PASK: variants seen among roughly 807,000 people sequenced by gnomAD.
PASK encodes the protein PAS domain-containing serine/threonine-protein kinase.
Under a neutral mutation model 121.0 loss-of-function variants are expected in PASK, and 110 were observed. The ratio of observed to expected loss-of-function variants is 0.91; its 90% CI spans 0.78 to 1.06. The LOEUF (loss-of-function observed/expected upper bound fraction) is 1.06, where lower values mean the gene tolerates loss of function less well. PASK is among the 50% of genes least tolerant of loss of function. The probability of loss-of-function intolerance (pLI) is 0.00; values close to 1 mark genes in which losing one functional copy is unlikely to be tolerated. For missense variants in PASK, 1,643 were observed against 1,702.3 expected (o/e 0.97, Z 0.61); for synonymous variants, 686 against 717.8 (o/e 0.96, Z 0.71).
intron 10 of PASK, among the ~76,000 whole-genome samples, chr2:241,125,306 A>T (rs1227649559): frequency 2.8e-4 from 41 of 148,726 alleles, no homozygotes; most frequent in Non-Finnish European, 1.2e-4. Context: ...TGTCTCAAAA[A>T]ATAAAAAAAA....
Position 241,115,106 on chromosome 2 carries a change from GA to G in PASK, c.3269del (p.Leu1090ProfsTer23), listed in dbSNP as rs763879852. 1 of 1,614,162 alleles carries G rather than the reference GA, an allele frequency of 6.2e-7. No individual in the cohort carries two copies. Among genetic ancestry groups the G allele is most frequent in the South Asian group, 1.1e-5 (1 of 91,090 alleles). ...TGGGGTGGCGGTCGATGAAAGCGAA[GA>G]GGTCTAGGCCGGAGCCGTGCTTCTC... Reference protein sequence around the residue: ...VMEKHGSGLDLFAFIDRHPRL... With the variant: ...VMEKHGSGLDXFAFIDRHPRL... On this transcript the variant is annotated frameshift_variant, in exon 14 of 18. Transcript: ENST00000234040. LOFTEE classifies it high-confidence loss of function.
rs563743480 is a variant in PASK at position 241,112,010 on chromosome 2, C to A, written c.3533+230G>T. On this transcript the variant is annotated intron_variant, in intron 15 of 17. Coordinates refer to ENST00000234040, the MANE Select transcript of PASK (RefSeq NM_015148.4). The surrounding 1 kb of genome is among the most constrained non-coding windows in gnomAD (Gnocchi z 5.2). Reference sequence around the variant, plus strand: ...GCTTTTTATTATATGAAACTCCAAACAAATAAAAGCTGAGAAAATAAAATT... The same window carrying A: ...GCTTTTTATTATATGAAACTCCAAAAAAATAAAAGCTGAGAAAATAAAATT... Among the ~76,000 whole-genome samples, 14 of 152,252 alleles carry A rather than the reference C, an allele frequency of 9.2e-5. No individual in the cohort carries two copies. The highest frequency in any genetic ancestry group is 1.8e-4 in the Non-Finnish European group (12 of 68,014).
chr2:241,149,499 A>G, upstream of PASK: 2 of 685,518 alleles, frequency 2.9e-6, no homozygotes, highest in Non-Finnish European at 4.8e-6. Context: ...CCAATCGCAC[A>G]GCGACTAGCA....
intron 12 of PASK, 120 bp from the exon 13 acceptor site, chr2:241,115,533 TC>T: frequency 8.3e-7 from 1 of 1,208,836 alleles, no homozygotes; most frequent in Non-Finnish European, 1.2e-6. Context: ...TCCTCAAGCA[TC>T]CCATTACACC....
rs764572345 is a variant in PASK at position 241,108,320 on chromosome 2, T to A, written c.3534-20A>T. Reference sequence around the variant, plus strand: ...CTGTAGCTGTGAGGAGGAGGAGGCATCAGGACGCCACGGCACTCAGCGCAG... The same window carrying A: ...CTGTAGCTGTGAGGAGGAGGAGGCAACAGGACGCCACGGCACTCAGCGCAG... On this transcript the variant is annotated intron_variant, in intron 15 of 17. Coordinates refer to ENST00000234040, the MANE Select transcript of PASK (RefSeq NM_015148.4). The surrounding 1 kb of genome is among the most constrained non-coding windows in gnomAD (Gnocchi z 5.2). 1 of 1,613,654 alleles carries A rather than the reference T, an allele frequency of 6.2e-7. No individual in the cohort carries two copies. The highest frequency in any genetic ancestry group is 1.7e-5 in the Admixed American group (1 of 60,010).
chr2:241,137,723 G>A (rs2066506250), intron 6 of PASK, among the ~76,000 whole-genome samples: 1 of 152,204 alleles, frequency 6.6e-6, no homozygotes, highest in Admixed American at 6.5e-5. Flanking sequence ...CCACCTCTGT[G>A]GGTGGCCCAG....
chr2:241,127,385 T>C lies in PASK; in HGVS notation c.1530A>G (p.Gln510=). ...HGEQALPKDQ[Q]ITALGREEPV... ...GTTCCTCTCTCCCCAAGGCAGTGAT[T>C]TGCTGGTCCTTGGGCAGCGCCTGTT... is the stretch of plus-strand genomic sequence containing the variant. The change falls in exon 10 of 18, where the codon CAA becomes CAG. Residue 510 remains glutamine, a synonymous_variant. Transcript: ENST00000234040. 1.2e-6 allele frequency: 2 copies of C among 1,614,074 alleles called. No homozygotes were observed. The highest frequency in any genetic ancestry group is 2.2e-5 in the South Asian group (2 of 91,078).
At chr2:241,110,883 C>T (rs943910766) in intron 15 of PASK, among the ~76,000 whole-genome samples, 7 of 152,344 alleles carry the variant, frequency 4.6e-5, no homozygotes, top group South Asian at 2.1e-4. Context: ...CGATATTTCA[C>T]GCTGTTTGGT....
chr2:241,142,770 A>T, intron 2 of PASK, 67 bp downstream of exon 2: 1 of 1,218,792 alleles, frequency 8.2e-7, no homozygotes, highest in Non-Finnish European at 1.2e-6. Flanking sequence ...GGTTTCCATG[A>T]GAACACAGAG....
rs762220676 is a variant in PASK, at chr2:241,122,767, C to T, written c.3037G>A (p.Val1013Met). 20 of 1,614,072 alleles carry T rather than the reference C, an allele frequency of 1.2e-5. No homozygotes were observed. The highest frequency in any genetic ancestry group is 2.2e-5 in the South Asian group (2 of 91,092). ...SPLGSGAFGFVWTAVDKEKNK... is the reference protein window; with the variant it reads ...SPLGSGAFGFMWTAVDKEKNK... ...TTTTCCTTGTCCACAGCAGTCCACA[C>T]GAAGCCGAAGGCCCCACTGCCCAGC... The change falls in exon 12 of 18, where the codon GTG becomes ATG. Residue 1013 changes from valine (V) to methionine (M), a missense_variant. Physicochemically the swap from Val to Met is conservative, Grantham distance 21. Coordinates refer to ENST00000234040, the MANE Select transcript of PASK (RefSeq NM_015148.4).
intron 11 of PASK, among the ~76,000 whole-genome samples, chr2:241,123,669 T>C (rs528485061): frequency 1.3e-5 from 2 of 151,784 alleles, no homozygotes; most frequent in South Asian, 2.1e-4. Flanking sequence ...AAATACAAAA[T>C]TAGCCAGGCG....
In PASK at chr2:241,115,144, G is replaced by A; in HGVS notation, c.3232C>T (p.Gln1078Ter). 6.2e-7 allele frequency: 1 copy of A among 1,614,056 alleles called. No individual in the cohort carries two copies. Among genetic ancestry groups the A allele is most frequent in the Non-Finnish European group, 8.5e-7 (1 of 1,179,948 alleles). The part of the protein sequence containing the change: ...LDIFENQGFF[Q>*]LVMEKHGSGL... ...GAGCCGTGCTTCTCCATCACAAGCT[G>A]GAAGAACCCTTGGTTTTCAAATATA... is the stretch of plus-strand genomic sequence containing the variant. Residue 1078 changes from glutamine to a stop codon, truncating the protein, a stop_gained, in exon 14 of 18, where the codon CAG (glutamine) becomes TAG (stop). Coordinates refer to ENST00000234040, the MANE Select transcript of PASK (RefSeq NM_015148.4). LOFTEE classifies it high-confidence loss of function.
chr2:241,133,199 C>T (rs1378162747), intron 8 of PASK, 169 bp from the exon 9 acceptor site: 3 of 693,692 alleles, frequency 4.3e-6, no homozygotes, highest in Non-Finnish European at 7.8e-6. Flanking sequence ...TCTCTGCCTC[C>T]TGTCTCCCTG....
chr2:241,127,983 G>A (rs778999648), intron 9 of PASK, among the ~76,000 whole-genome samples: 11 of 152,138 alleles, frequency 7.2e-5, no homozygotes, highest in Non-Finnish European at 1.2e-4. Flanking sequence ...ACACAGAAGG[G>A]GCCAGGGGCC....
chr2:241,138,548 CCT>C (rs553102786), intron 5 of PASK, 104 bp downstream of exon 5: 2 of 1,363,344 alleles, frequency 1.5e-6, no homozygotes, highest in Admixed American at 1.7e-5. Flanking sequence ...GGCTCCTCAT[CCT>C]CTCTTTCTTC....
intron 1 of PASK, among the ~76,000 whole-genome samples, chr2:241,146,372 A>G (rs1398958539): frequency 6.6e-6 from 1 of 152,220 alleles, no homozygotes; most frequent in Non-Finnish European, 1.5e-5. Flanking sequence ...AAATTTTTGC[A>G]AACAGATAAG....
rs373551635 is a variant in PASK at position 241,138,802 on chromosome 2, A to C, written c.601-8T>G. 2.2e-5 allele frequency: 36 copies of C among 1,613,750 alleles called. No homozygotes were observed. Among genetic ancestry groups the C allele is most frequent in the Non-Finnish European group, 3.0e-5 (35 of 1,180,004 alleles). ...ACGGCTGATGATGTCCACCTGTGGA[A>C]ACAGACAGGTTCACACCTGCATGCC... On this transcript the variant is annotated splice_polypyrimidine_tract_variant and splice_region_variant and intron_variant, in intron 4 of 17. Coordinates refer to ENST00000234040, the MANE Select transcript of PASK (RefSeq NM_015148.4).
At chr2:241,146,091 T>C (rs1348300591) in intron 1 of PASK, among the ~76,000 whole-genome samples, 1 of 152,154 alleles carries the variant, frequency 6.6e-6, no homozygotes, top group Non-Finnish European at 1.5e-5. Context: ...GATCAACTAT[T>C]TAAAATTTAA....
In PASK at chr2:241,132,907, A is replaced by C. The variant is rs767209891; in HGVS notation, c.1430T>G (p.Leu477Arg). ...TQTELIAGGQ[L>R]LSCLSPQPAP... is the part of the protein sequence containing the mutation. ...AGGCTGAGGTGAGAGGCAGGAAAGGAGCTGGCCTCCAGCAATCAGCTCAGT... is the reference window on the plus strand; with the variant it reads ...AGGCTGAGGTGAGAGGCAGGAAAGGCGCTGGCCTCCAGCAATCAGCTCAGT... Residue 477 changes from leucine to arginine, a missense_variant, in exon 9 of 18, where the codon CTC becomes CGC. By Grantham distance (102) the Leu-to-Arg change is moderately radical. Transcript: ENST00000234040. The C allele has an allele frequency of 6.2e-7, 1 of 1,613,996 alleles. No individual in the cohort carries two copies. The highest frequency in any genetic ancestry group is 1.7e-5 in the Admixed American group (1 of 60,008).
Sources: gnomAD v4.1 joint callset for allele counts (sites outside exome capture counted in the v4.1 genomes callset) on GRCh38, gnomAD v4.1.1 for gene constraint, Gnocchi (gnomAD v3.1) non-coding constraint, MANE v1.5 for transcripts, NCBI Gene and HGNC (gene_info 2026-07-23, HGNC 2026-07-21) for gene names.